Variants in KMT2C observed in about 807,000 individuals in gnomAD.
KMT2C encodes lysine methyltransferase 2C.
In KMT2C, 88 loss-of-function variants were observed where a neutral mutation model predicts 507.9. That is an observed-to-expected ratio of 0.17 (90% CI 0.15 to 0.21). The LOEUF (loss-of-function observed/expected upper bound fraction) is 0.21. KMT2C is among the 10% of genes least tolerant of loss of function. KMT2C has a pLI of 1.00. For missense variants in KMT2C, 4,954 were observed against 5,957.8 expected (o/e 0.83, Z 5.55); for synonymous variants, 2,049 against 2,080.8 (o/e 0.98, Z 0.42).
At chr7:152,386,886 G>C (rs199728729) in intron 1 of KMT2C, among the ~76,000 whole-genome samples, 1 of 151,386 alleles carries the variant, frequency 6.6e-6, no homozygotes, top group Non-Finnish European at 1.5e-5. Context: ...TACAGAGCTC[G>C]GGATCTTAAG....
At chr7:152,356,239 G>C (rs1355098318) in intron 2 of KMT2C, among the ~76,000 whole-genome samples, 1 of 152,148 alleles carries the variant, frequency 6.6e-6, no homozygotes, top group African/African-American at 2.4e-5. Flanking sequence ...AGGGGTGTTG[G>C]AAGTTTCAGG....
intron 14 of KMT2C, among the ~76,000 whole-genome samples, chr7:152,244,400 C>T (rs1449786178): frequency 6.6e-6 from 1 of 151,948 alleles, no homozygotes; most frequent in Admixed American, 6.6e-5. Flanking sequence ...AAAAATGGGC[C>T]AGGCGCTGTG....
In KMT2C at chr7:152,210,081, T is replaced by A. The variant is rs183101310; in HGVS notation, c.3713-2653A>T. ...AAATAGGACCAAGAAAATATGGGCA[T>A]ACTAAATGTGGACAACCCCATCCTG... On this transcript the variant is annotated intron_variant, in intron 23 of 58. Coordinates refer to ENST00000262189, the MANE Select transcript of KMT2C (RefSeq NM_170606.3). 2.6e-4 allele frequency among the ~76,000 whole-genome samples: 40 copies of A among 152,240 alleles called. No individual in the cohort carries two copies. The East Asian group carries it at 6.8e-3, about 26-fold the overall frequency.
chr7:152,435,226 G>C (rs908147382), intron 1 of KMT2C, among the ~76,000 whole-genome samples: 2 of 151,982 alleles, frequency 1.3e-5, no homozygotes, highest in African/African-American at 4.8e-5. Context: ...AGCGCCGACG[G>C]CTCGGCGGTT....
At chr7:152,326,099 CTTAA>C (rs2096826314) in intron 3 of KMT2C, among the ~76,000 whole-genome samples, 1 of 152,110 alleles carries the variant, frequency 6.6e-6, no homozygotes, top group African/African-American at 2.4e-5. Context: ...ACAGCACTGA[CTTAA>C]TTTATTAGTG....
intron 1 of KMT2C, among the ~76,000 whole-genome samples, chr7:152,421,694 T>C (rs1017358966): frequency 6.6e-6 from 1 of 152,178 alleles, no homozygotes; most frequent in African/African-American, 2.4e-5. Context: ...ACTAAGTACA[T>C]GTGGACACAG....
In KMT2C at chr7:152,194,560, GACCA is replaced by G. The variant is rs2093906404; in HGVS notation, c.4383_4386del (p.Gly1462LeufsTer21). On this transcript the variant is annotated frameshift_variant, in exon 29 of 59. Coordinates refer to ENST00000262189, the MANE Select transcript of KMT2C (RefSeq NM_170606.3). LOFTEE classifies it high-confidence loss of function. ...AAAGAGGAAGGATCATCAGTGACAG[GACCA>G]ATATCTACAAGAGTAAGGAAAATAA... 6.2e-7 allele frequency: 1 copy of G among 1,611,868 alleles called. No homozygotes were observed.
intron 1 of KMT2C, among the ~76,000 whole-genome samples, chr7:152,420,886 A>G (rs2097773563): frequency 6.6e-6 from 1 of 152,000 alleles, no homozygotes; most frequent in East Asian, 1.9e-4. Flanking sequence ...ATCAACAAGC[A>G]AAAAACTAGC....
chr7:152,179,240 C>T (rs912951607), intron 37 of KMT2C, among the ~76,000 whole-genome samples: 1 of 152,236 alleles, frequency 6.6e-6, no homozygotes, highest in Non-Finnish European at 1.5e-5. Flanking sequence ...AAGTGATCCG[C>T]CCACCTCGGC....
chr7:152,310,095 A>G lies in KMT2C; in HGVS notation c.740-20T>C. ...AAGTGCCTAAAATGGGAAAAATGAA[A>G]AGGAGCAAATGAGCAAACATTAAAA... On this transcript the variant is annotated intron_variant, in intron 5 of 58. Transcript: ENST00000262189. 6.6e-7 allele frequency: 1 copy of G among 1,519,062 alleles called. No individual in the cohort carries two copies. Among genetic ancestry groups the G allele is most frequent in the Middle Eastern group, 1.7e-4 (1 of 5,870 alleles). 94.1% of individuals were successfully genotyped at this position (1,519,062 alleles called of 1,614,324 possible).
chr7:152,193,880 T>C (rs965245180), intron 31 of KMT2C, 129 bp downstream of exon 31: 3 of 708,134 alleles, frequency 4.2e-6, no homozygotes, highest in African/African-American at 1.9e-5. Flanking sequence ...TACAAAAGGG[T>C]TTTTCTCCCT....
chr7:152,164,647 A>T (rs185411391), intron 42 of KMT2C, among the ~76,000 whole-genome samples: 67 of 152,330 alleles, frequency 4.4e-4, no homozygotes, highest in African/African-American at 1.6e-3. Context: ...CCCCACCCAG[A>T]TTAAAAAGAC....
intron 6 of KMT2C, among the ~76,000 whole-genome samples, chr7:152,290,282 ATATATATATATATTTTTTTTTTTTT>A (rs1456341611): frequency 2.1e-4 from 7 of 32,910 alleles, no homozygotes; most frequent in African/African-American, 9.5e-4. Context: ...ATATATATAT[ATATATATATATATTTTTTTTTTTTT>A]TTTTTTTTTT....
At chr7:152,201,598 A>G (rs1173421900) in intron 26 of KMT2C, among the ~76,000 whole-genome samples, 1 of 144,718 alleles carries the variant, frequency 6.9e-6, no homozygotes, top group Non-Finnish European at 1.5e-5. Flanking sequence ...GAATCCCAGG[A>G]GAAAACAACA....
At chr7:152,165,631 C>G (rs1358844392) in intron 42 of KMT2C, among the ~76,000 whole-genome samples, 3 of 152,156 alleles carry the variant, frequency 2.0e-5, no homozygotes, top group Non-Finnish European at 4.4e-5. Context: ...GTCCAAATCC[C>G]TAATCTAATA....
intron 7 of KMT2C, among the ~76,000 whole-genome samples, chr7:152,268,424 A>C (rs1474102162): frequency 2.0e-5 from 3 of 152,226 alleles, no homozygotes; most frequent in African/African-American, 7.2e-5. Context: ...TGAATCCTTG[A>C]AGGACAGGGG....
intron 31 of KMT2C, among the ~76,000 whole-genome samples, chr7:152,190,591 C>CT (rs1006355348): frequency 7.0e-4 from 104 of 149,218 alleles, no homozygotes; most frequent in East Asian, 2.9e-3. Context: ...AAGAAGTGGT[C>CT]TTTTTTTTTT....
rs1194042282 is a variant in KMT2C at position 152,416,198 on chromosome 7, T to G, written c.161+19428A>C. Among the ~76,000 whole-genome samples the G allele has an allele frequency of 2.6e-5, 4 of 152,244 alleles. No individual in the cohort carries two copies. The East Asian group carries it at 7.7e-4, about 29-fold the overall frequency. On this transcript the variant is annotated intron_variant, in intron 1 of 58. Transcript: ENST00000262189. ...TGAGGTCAGGAGTTCAAGACCAGCCTGGCCAACATGGCGAAACCCTGTATT... is the reference window on the plus strand; with the variant it reads ...TGAGGTCAGGAGTTCAAGACCAGCCGGGCCAACATGGCGAAACCCTGTATT...
At chr7:152,178,799 CAT>C (rs1175065957) in intron 37 of KMT2C, among the ~76,000 whole-genome samples, 2 of 152,070 alleles carry the variant, frequency 1.3e-5, no homozygotes, top group Admixed American at 1.3e-4. Flanking sequence ...GACTAAAAGA[CAT>C]AAAACTAAAA....
Sources: gnomAD v4.1 joint callset for allele counts (sites outside exome capture counted in the v4.1 genomes callset) on GRCh38, gnomAD v4.1.1 for gene constraint, MANE v1.5 for transcripts, NCBI Gene and HGNC (gene_info 2026-07-23, HGNC 2026-07-21) for gene names.